The following ZNF280D variants were observed in gnomAD, a reference collection of about 807,000 sequenced individuals.
ZNF280D encodes suppressor of hairy wing homolog 4.
Under a neutral mutation model 94.7 loss-of-function variants are expected in ZNF280D, and 39 were observed. The ratio of observed to expected loss-of-function variants is 0.41; its 90% CI spans 0.32 to 0.54. The LOEUF (loss-of-function observed/expected upper bound fraction) is 0.54. Among genes scored for constraint, ZNF280D ranks in the 20% least tolerant of loss-of-function variants. The pLI, the probability that ZNF280D is intolerant of heterozygous loss-of-function variation, is 0.22. For synonymous variants in ZNF280D, 398 were observed against 377.6 expected (o/e 1.05, Z -0.63); for missense variants, 1,090 against 1,149.3 (o/e 0.95, Z 0.75).
intron 19 of ZNF280D, chr15:56,652,779 T>G (rs2053283648): frequency 2.0e-6 from 2 of 984,820 alleles, no homozygotes; most frequent in South Asian, 4.7e-5. Flanking sequence ...ACAATTAAGG[T>G]AATATTAATA....
chr15:56,644,967 C>T (rs1346661788), intron 19 of ZNF280D, among the ~76,000 whole-genome samples: 3 of 152,092 alleles, frequency 2.0e-5, no homozygotes, highest in Non-Finnish European at 2.9e-5. Flanking sequence ...CTAGTGAACA[C>T]ATTTAGAAAA....
At chr15:56,669,154 G>C (rs12910442) in intron 13 of ZNF280D, among the ~76,000 whole-genome samples, 197 bp from the exon 14 acceptor site, 1 of 151,592 alleles carries the variant, frequency 6.6e-6, no homozygotes, top group Non-Finnish European at 1.5e-5. Flanking sequence ...AAAAGTGTTC[G>C]CTACTATGTA....
At position 56,654,252 on chromosome 15, in the gene ZNF280D, GTT is replaced by G. The variant is rs767318743; in HGVS notation, c.2177-20_2177-19del. ...AACAGAAACTGAAATTAGAAGAAAAGTTTTACATTTACAACAGCATATGAAAT... is the reference window on the plus strand; with the variant it reads ...AACAGAAACTGAAATTAGAAGAAAAGTTACATTTACAACAGCATATGAAAT... On this transcript the variant is annotated intron_variant, in intron 18 of 21. Transcript: ENST00000267807. 1.2e-6 allele frequency: 2 copies of G among 1,609,750 alleles called. No homozygotes were observed. Among genetic ancestry groups the G allele is most frequent in the African/African-American group, 2.7e-5 (2 of 74,716 alleles).
At chr15:56,676,221 G>C (rs2055221702) in intron 13 of ZNF280D, among the ~76,000 whole-genome samples, 1 of 152,080 alleles carries the variant, frequency 6.6e-6, no homozygotes, top group Admixed American at 6.6e-5. Context: ...TTCTCATAAT[G>C]ATAAGGGGTT....
At chr15:56,647,326 C>G (rs994734824) in intron 19 of ZNF280D, among the ~76,000 whole-genome samples, 1 of 152,102 alleles carries the variant, frequency 6.6e-6, no homozygotes, top group Non-Finnish European at 1.5e-5. Flanking sequence ...AAATATGACC[C>G]CCTCAAATGC....
chr15:56,722,779 G>A (rs946749874), intron 1 of ZNF280D, among the ~76,000 whole-genome samples: 16 of 152,068 alleles, frequency 1.1e-4, no homozygotes, highest in African/African-American at 3.4e-4. Flanking sequence ...ACATGCACAC[G>A]TCTGTTTATT....
chr15:56,664,308 C>T lies in ZNF280D; in HGVS notation c.1994+2087G>A, dbSNP rs942963783. Among the ~76,000 whole-genome samples the T allele has an allele frequency of 2.6e-5, 4 of 152,154 alleles. No homozygotes were observed. In the East Asian group the frequency reaches 7.7e-4, roughly 29 times the overall value. On this transcript the variant is annotated intron_variant, in intron 16 of 21. Transcript: ENST00000267807. ...CAAATGTTAATGGTAAAAAGGAAGACAAGAAATAAGGAAAACAGGCAGTTG... is the reference window on the plus strand; with the variant it reads ...CAAATGTTAATGGTAAAAAGGAAGATAAGAAATAAGGAAAACAGGCAGTTG...
intron 9 of ZNF280D, among the ~76,000 whole-genome samples, chr15:56,685,574 A>G (rs1371338752): frequency 4.6e-5 from 7 of 152,216 alleles, no homozygotes; most frequent in Non-Finnish European, 1.0e-4. Context: ...ATGCTCAGAC[A>G]ATATTGACTA....
chr15:56,632,425 T>C (rs2052124598), intron 21 of ZNF280D, among the ~76,000 whole-genome samples: 1 of 151,940 alleles, frequency 6.6e-6, no homozygotes, highest in African/African-American at 2.4e-5. Flanking sequence ...TAAATTTAAG[T>C]ATTTTTATTA....
At chr15:56,646,817 CA>C (rs2046974462) in intron 19 of ZNF280D, among the ~76,000 whole-genome samples, 1 of 151,832 alleles carries the variant, frequency 6.6e-6, no homozygotes, top group African/African-American at 2.4e-5. Context: ...GGCAAGGAAG[CA>C]ATGAAGATAC....
chr15:56,688,895 T>C lies in ZNF280D; in HGVS notation c.780+146A>G, dbSNP rs192792695. On this transcript the variant is annotated intron_variant, in intron 9 of 21. Transcript: ENST00000267807. The stretch of plus-strand genomic sequence containing the variant: ...GATTTAGAAGGAATTTGAGAATCTA[T>C]ATAATCATTATGAATGTAAATTTTT... 8.5e-4 allele frequency: 430 copies of C among 505,808 alleles called. 3 individuals are homozygous for C. Among genetic ancestry groups the C allele is most frequent in the African/African-American group, 7.9e-3 (397 of 50,434 alleles). The allele number at this position is 505,808 out of a possible 1,614,324, so 31.3% of individuals were successfully genotyped here.
At chr15:56,717,890 T>C (rs1352178904) in intron 1 of ZNF280D, among the ~76,000 whole-genome samples, 2 of 152,068 alleles carry the variant, frequency 1.3e-5, no homozygotes, top group Admixed American at 6.6e-5. Flanking sequence ...TTCATCTCAA[T>C]ATAAGAACAA....
rs1410320947 is a variant in ZNF280D at position 56,682,464 on chromosome 15, T to C, written c.794A>G (p.Asp265Gly). 2 of 1,447,954 alleles carry C rather than the reference T, an allele frequency of 1.4e-6. No homozygotes were observed. Among genetic ancestry groups the C allele is most frequent in the South Asian group, 1.3e-5 (1 of 75,364 alleles). The allele number at this position is 1,447,954 out of a possible 1,614,324, so 89.7% of individuals were successfully genotyped here. A position where few individuals can be genotyped will look rare whatever the true frequency, so the allele number is the denominator to read the frequency against. ...LKNHMKYCCP[D>G]MINNFLGLAK... ...CAGTCCCAAAAAGTTATTTATCATG[T>C]CTGGACAACAATACTGAAAGAGAAA... The change falls in exon 10 of 22, where the codon GAC becomes GGC. Residue 265 changes from aspartate (D) to glycine (G), a missense_variant. By Grantham distance (94) the Asp-to-Gly change is moderately conservative. Coordinates refer to ENST00000267807, the MANE Select transcript of ZNF280D (RefSeq NM_017661.4).
intron 20 of ZNF280D, among the ~76,000 whole-genome samples, chr15:56,638,394 G>A (rs1213222445): frequency 2.0e-5 from 3 of 152,104 alleles, no homozygotes; most frequent in South Asian, 2.1e-4. Context: ...TCAGTGATAC[G>A]GAGCTAGATT....
intron 1 of ZNF280D, 135 bp from the exon 2 acceptor site, chr15:56,707,441 T>C (rs2057476109): frequency 6.2e-6 from 4 of 644,780 alleles, no homozygotes; most frequent in African/African-American, 1.9e-5. Flanking sequence ...TTTACATAAT[T>C]GGTTCATTCC....
intron 13 of ZNF280D, among the ~76,000 whole-genome samples, chr15:56,670,517 G>A (rs2054789435): frequency 6.6e-6 from 1 of 152,000 alleles, no homozygotes; most frequent in Non-Finnish European, 1.5e-5. Flanking sequence ...CAAAGGACAT[G>A]ATCTCATTCC....
At chr15:56,655,810 T>C (rs892696826) in intron 17 of ZNF280D, among the ~76,000 whole-genome samples, 2 of 152,234 alleles carry the variant, frequency 1.3e-5, no homozygotes, top group Non-Finnish European at 2.9e-5. Flanking sequence ...TTTAATTTCT[T>C]ATAAGAGTTA....
intron 1 of ZNF280D, among the ~76,000 whole-genome samples, chr15:56,710,015 A>G (rs1455261945): frequency 1.3e-5 from 2 of 152,246 alleles, no homozygotes; most frequent in African/African-American, 4.8e-5. Context: ...AATAAAATAA[A>G]TAAATAAATA....
chr15:56,678,347 A>G (rs2140976210), intron 11 of ZNF280D, among the ~76,000 whole-genome samples: 1 of 152,220 alleles, frequency 6.6e-6, no homozygotes, highest in Non-Finnish European at 1.5e-5. Flanking sequence ...TCTTTTTCCT[A>G]TTAAAGTTTA....
Sources: allele counts gnomAD v4.1 joint callset (sites outside exome capture counted in the v4.1 genomes callset), GRCh38; gene constraint gnomAD v4.1.1; transcripts MANE v1.5; gene names NCBI Gene and HGNC (gene_info 2026-07-23, HGNC 2026-07-21).